TRIO: variants seen among roughly 807,000 people sequenced by gnomAD.
TRIO encodes the protein triple functional domain protein.
TRIO carries 58 observed loss-of-function variants against 351.9 expected under a neutral mutation model. The observed-to-expected ratio is 0.16, with a 90% confidence interval of 0.13 to 0.21. TRIO has a LOEUF of 0.21. TRIO is among the 10% of genes least tolerant of loss of function. The pLI, the probability that TRIO is intolerant of heterozygous loss-of-function variation, is 1.00. For missense variants in TRIO, 3,201 were observed against 4,027.8 expected (o/e 0.79, Z 5.56); for synonymous variants, 1,758 against 1,595.7 (o/e 1.10, Z -2.42).
Position 14,498,527 on chromosome 5 carries a change from G to A in TRIO, c.8219G>A (p.Gly2740Glu). ...GHYSISYSDLGEATLKIVGVT... is the reference protein window; with the variant it reads ...GHYSISYSDLEEATLKIVGVT... ...TCCCATCTGTGCCGCAGTGACCTGG[G>A]AGAGGCCACGCTGAAGATTGTGGGC... is the stretch of plus-strand genomic sequence containing the variant. Residue 2740 changes from glycine (G) to glutamate (E), a missense_variant, in exon 53 of 57, where the codon GGA becomes GAA. This residue lies in a region of TRIO where 1,089 missense variants were observed against 954.9 expected (regional missense o/e 1.14). Transcript: ENST00000344204. The A allele has an allele frequency of 6.2e-7, 1 of 1,614,048 alleles. No individual in the cohort carries two copies. Among genetic ancestry groups the A allele is most frequent in the East Asian group, 2.2e-5 (1 of 44,878 alleles).
chr5:14,223,023 C>G (rs1225052543), intron 1 of TRIO, among the ~76,000 whole-genome samples: 1 of 152,150 alleles, frequency 6.6e-6, no homozygotes, highest in Non-Finnish European at 1.5e-5. Context: ...AGCCTTTTGT[C>G]TCTGGGATAG....
chr5:14,203,724 T>C (rs954026257), intron 1 of TRIO, among the ~76,000 whole-genome samples: 2 of 152,106 alleles, frequency 1.3e-5, no homozygotes, highest in Non-Finnish European at 2.9e-5. Flanking sequence ...CTGTACTCTG[T>C]ACAAGGGGGC....
chr5:14,374,396 A>G lies in TRIO; in HGVS notation c.3331+53A>G, dbSNP rs1255465595. On this transcript the variant is annotated intron_variant, in intron 19 of 56. Transcript: ENST00000344204. ...TGGCCCAGTGCATGCCTGGCAAGAG[A>G]CAAAAGGAGCCTGCACGTTGTGTTC... 28 of 1,411,140 alleles carry G rather than the reference A, an allele frequency of 2.0e-5. No homozygotes were observed. The East Asian group carries it at 4.3e-4, about 22-fold the overall frequency. 87.4% of individuals were successfully genotyped at this position (1,411,140 alleles called of 1,614,324 possible).
At chr5:14,423,867 C>G (rs1406396398) in intron 34 of TRIO, among the ~76,000 whole-genome samples, 4 of 151,968 alleles carry the variant, frequency 2.6e-5, no homozygotes, top group Non-Finnish European at 5.9e-5. Context: ...ACTACTGCTG[C>G]CCAGAGCCTT....
chr5:14,427,241 G>A (rs1463651302), intron 34 of TRIO, among the ~76,000 whole-genome samples: 1 of 152,092 alleles, frequency 6.6e-6, no homozygotes, highest in Non-Finnish European at 1.5e-5. Context: ...GTGAGGTCAC[G>A]GCTTAGCCTG....
chr5:14,272,730 A>C (rs1262698932), intron 2 of TRIO, among the ~76,000 whole-genome samples: 1 of 152,226 alleles, frequency 6.6e-6, no homozygotes, highest in Non-Finnish European at 1.5e-5. Context: ...TCACTTTTAC[A>C]GTATTCCTAA....
chr5:14,500,653 A>G (rs1757221110), intron 53 of TRIO, among the ~76,000 whole-genome samples: 2 of 152,194 alleles, frequency 1.3e-5, no homozygotes, highest in African/African-American at 4.8e-5. Flanking sequence ...GCACTTTGGG[A>G]GGCCGAGGCA....
At chr5:14,310,616 T>C (rs1468090556) in intron 8 of TRIO, among the ~76,000 whole-genome samples, 3 of 152,222 alleles carry the variant, frequency 2.0e-5, no homozygotes, top group Non-Finnish European at 2.9e-5. Context: ...GTCACCTGGA[T>C]AGGAAACTTC....
intron 1 of TRIO, among the ~76,000 whole-genome samples, chr5:14,225,438 A>T (rs1481719627): frequency 6.6e-6 from 1 of 152,148 alleles, no homozygotes; most frequent in Non-Finnish European, 1.5e-5. Context: ...TCACAAGGCC[A>T]TTGGGACTGC....
intron 34 of TRIO, among the ~76,000 whole-genome samples, chr5:14,437,602 G>A (rs1751684771): frequency 6.6e-6 from 1 of 151,602 alleles, no homozygotes; most frequent in Non-Finnish European, 1.5e-5. Context: ...TTCTTGGCTT[G>A]CAGAGGCAAG....
chr5:14,199,215 A>AAAAAC (rs1790953402), intron 1 of TRIO, among the ~76,000 whole-genome samples: 3 of 149,380 alleles, frequency 2.0e-5, no homozygotes, highest in Admixed American at 2.0e-4. Flanking sequence ...AAAAAAAAAA[A>AAAAAC]AAAACCTCCC....
At chr5:14,358,070 C>A in intron 11 of TRIO, 108 bp from the exon 12 acceptor site, 1 of 1,379,424 alleles carries the variant, frequency 7.2e-7, no homozygotes, top group African/African-American at 1.5e-5. Flanking sequence ...CCAGTCCCCT[C>A]CCAGGGCAAG....
chr5:14,176,280 G>A lies in TRIO; in HGVS notation c.157+32398G>A, dbSNP rs536222622. ...AGGTCAGGAGATCGAGATCATCCTGGCTAACACGGTGAAACCCCGTCTCTA... is the reference window on the plus strand; with the variant it reads ...AGGTCAGGAGATCGAGATCATCCTGACTAACACGGTGAAACCCCGTCTCTA... On this transcript the variant is annotated intron_variant, in intron 1 of 56. Transcript: ENST00000344204. Among the ~76,000 whole-genome samples the A allele has an allele frequency of 5.3e-5, 8 of 152,248 alleles. No homozygotes were observed. The East Asian group carries it at 1.4e-3, about 26-fold the overall frequency.
chr5:14,428,010 C>A (rs1260234386), intron 34 of TRIO, among the ~76,000 whole-genome samples: 1 of 152,154 alleles, frequency 6.6e-6, no homozygotes, highest in African/African-American at 2.4e-5. Context: ...CCTTCTGAGG[C>A]CTCTAGCATT....
chr5:14,157,606 T>G (rs1231730522), intron 1 of TRIO, among the ~76,000 whole-genome samples: 3 of 151,998 alleles, frequency 2.0e-5, no homozygotes, highest in African/African-American at 7.2e-5. Flanking sequence ...TCTCTTTCTT[T>G]CGAGACAGGG....
intron 4 of TRIO, among the ~76,000 whole-genome samples, chr5:14,289,277 C>T (rs926529518): frequency 1.3e-4 from 19 of 151,882 alleles, no homozygotes; most frequent in Admixed American, 7.9e-4. Flanking sequence ...CCCAGCTACT[C>T]GGGAGGCTGA....
chr5:14,476,827 TA>T, intron 40 of TRIO, 66 bp from the exon 41 acceptor site: 1 of 1,361,016 alleles, frequency 7.3e-7, no homozygotes, highest in Non-Finnish European at 1.0e-6. Flanking sequence ...AGAAAAAATG[TA>T]AACCTAAATC....
chr5:14,332,417 T>C (rs1740984676), intron 10 of TRIO, among the ~76,000 whole-genome samples: 1 of 152,208 alleles, frequency 6.6e-6, no homozygotes. Context: ...GGAGGATAAC[T>C]GCCTCCATAA....
At chr5:14,428,380 T>G (rs1750820614) in intron 34 of TRIO, among the ~76,000 whole-genome samples, 1 of 152,186 alleles carries the variant, frequency 6.6e-6, no homozygotes, top group African/African-American at 2.4e-5. Flanking sequence ...GAAATCTATA[T>G]ACAGGTTTTT....
Sources: gnomAD v4.1 joint callset for allele counts (sites outside exome capture counted in the v4.1 genomes callset) on GRCh38, gnomAD v4.1.1 for gene constraint, gnomAD v4.1.1 regional missense constraint, MANE v1.5 for transcripts, NCBI Gene and HGNC (gene_info 2026-07-23, HGNC 2026-07-21) for gene names.